SMIM21: variants seen among roughly 807,000 people sequenced by gnomAD.
The protein encoded by SMIM21 is chromosome 18 open reading frame 62.
Under a neutral mutation model 8.6 loss-of-function variants are expected in SMIM21, and 8 were observed. The observed-to-expected ratio is 0.93, with a 90% CI of 0.55 to 1.68. SMIM21 has a LOEUF of 1.68. Among genes scored for constraint, SMIM21 ranks in the 40% most tolerant of loss-of-function variants. SMIM21 has a pLI of 0.00. For synonymous variants in SMIM21, 43 were observed against 41.7 expected (o/e 1.03, Z -0.12); for missense variants, 132 against 123.0 (o/e 1.07, Z -0.35).
At chr18:75,420,480 A>G (rs2024697271) in intron 1 of SMIM21, among the ~76,000 whole-genome samples, 1 of 152,194 alleles carries the variant, frequency 6.6e-6, no homozygotes, top group Non-Finnish European at 1.5e-5. Flanking sequence ...TACTCTGTGC[A>G]TCATTTGGAG....
rs781247626 is a variant in SMIM21 at position 75,427,553 on chromosome 18, T to A, written c.11A>T (p.Tyr4Phe). 1 of 1,610,790 alleles carries A rather than the reference T, an allele frequency of 6.2e-7. No homozygotes were observed. Among genetic ancestry groups the A allele is most frequent in the Non-Finnish European group, 8.5e-7 (1 of 1,178,432 alleles). The change falls in exon 1 of 3, where the codon TAT (tyrosine) becomes TTT (phenylalanine). Residue 4 changes from tyrosine (Y) to phenylalanine (F), a missense_variant. Coordinates refer to ENST00000579022, the MANE Select transcript of SMIM21 (RefSeq NM_001037331.3). MDQ[Y>F]VSTAPPRFPI... ...GAATCGGGGAGGAGCTGTGGACACA[T>A]ACTGGTCCATGTGGGGGCTGCGGCG... is the stretch of plus-strand genomic sequence containing the variant.
chr18:75,418,165 A>G, intron 2 of SMIM21: 2 of 398,526 alleles, frequency 5.0e-6, no homozygotes, highest in Non-Finnish European at 8.8e-6. Context: ...CAAAAAGCCT[A>G]CAGTGGGAGA....
chr18:75,417,095 A>G (rs2024654477), intron 2 of SMIM21: 1 of 152,202 alleles, frequency 6.6e-6, no homozygotes, highest in South Asian at 2.1e-4. Context: ...CCTCCCCAGA[A>G]CTTAAATTCT....
At chr18:75,422,606 T>C (rs915506047) in intron 1 of SMIM21, among the ~76,000 whole-genome samples, 1 of 152,140 alleles carries the variant, frequency 6.6e-6, no homozygotes, top group Non-Finnish European at 1.5e-5. Context: ...ATTTGATAAA[T>C]CCGTAGAGTG....
intron 1 of SMIM21, among the ~76,000 whole-genome samples, chr18:75,425,024 G>A (rs899952036): frequency 1.3e-5 from 2 of 152,224 alleles, no homozygotes; most frequent in Non-Finnish European, 2.9e-5. Flanking sequence ...GGCGATGGGC[G>A]AGTGTATCTG....
rs2024573416 is a variant in SMIM21, at chr18:75,410,627, T to C, written c.*237A>G. ...GCAGATTTCGCAGGGTTGGGTGGCA[T>C]CTGCAGCTCTCCTCCGGAATATTCC... On this transcript the variant is annotated 3_prime_UTR_variant, in exon 3 of 3. Coordinates refer to ENST00000579022, the MANE Select transcript of SMIM21 (RefSeq NM_001037331.3). The C allele has an allele frequency of 1.8e-5, 21 of 1,151,188 alleles. No homozygotes were observed. Among genetic ancestry groups the C allele is most frequent in the South Asian group, 2.5e-5 (1 of 39,730 alleles). 71.3% of individuals were successfully genotyped at this position (1,151,188 alleles called of 1,614,324 possible).
At position 75,427,349 on chromosome 18, in the gene SMIM21, T is replaced by C. The variant is rs375778180; in HGVS notation, c.129+86A>G. The C allele has an allele frequency of 1.4e-4, 202 of 1,402,154 alleles. 1 individual carries two copies. In the East Asian group the frequency reaches 2.8e-3, roughly 19 times the overall value. 86.9% of individuals were successfully genotyped at this position (1,402,154 alleles called of 1,614,324 possible). On this transcript the variant is annotated intron_variant, in intron 1 of 2. Coordinates refer to ENST00000579022, the MANE Select transcript of SMIM21 (RefSeq NM_001037331.3). ...TGAGAGACAGAGCACTCACAGGAGATTGGGGCAAAAGAGTGCTTTGTAGGA... is the reference window on the plus strand; with the variant it reads ...TGAGAGACAGAGCACTCACAGGAGACTGGGGCAAAAGAGTGCTTTGTAGGA...
chr18:75,427,490 G>A lies in SMIM21; in HGVS notation c.74C>T (p.Ala25Val), dbSNP rs1599111584. Reference sequence around the variant, plus strand: ...CCCCTTGAATATCCGTCCCATTCCTGCAGAGTCTTGTTTAAATGTTCCCAG... The same window carrying A: ...CCCCTTGAATATCCGTCCCATTCCTACAGAGTCTTGTTTAAATGTTCCCAG... ...AQLGTFKQDS[A>V]GMGRIFKGNL... Residue 25 changes from alanine (A) to valine (V), a missense_variant, in exon 1 of 3, where the codon GCA becomes GTA. Coordinates refer to ENST00000579022, the MANE Select transcript of SMIM21 (RefSeq NM_001037331.3). 6.2e-7 allele frequency: 1 copy of A among 1,614,052 alleles called. No individual in the cohort carries two copies. Among genetic ancestry groups the A allele is most frequent in the Non-Finnish European group, 8.5e-7 (1 of 1,179,976 alleles).
chr18:75,422,449 G>T (rs1304439357), intron 1 of SMIM21, among the ~76,000 whole-genome samples: 2 of 152,094 alleles, frequency 1.3e-5, no homozygotes, highest in African/African-American at 4.8e-5. Flanking sequence ...CAACATAGCA[G>T]TTCTGGTCAT....
chr18:75,426,631 TAAAAAAAAAAAAAAAAAAAAAAAAA>T lies in SMIM21; in HGVS notation c.129+779_129+803del, dbSNP rs777676195. Among the ~76,000 whole-genome samples the T allele has an allele frequency of 5.2e-3, 464 of 89,276 alleles. 6 individuals are homozygous for T. The highest frequency in any genetic ancestry group is 0.02 in the African/African-American group (415 of 20,830). The allele number at this position is 89,276 out of a possible 152,430, so 58.6% of individuals were successfully genotyped here. A position where few individuals can be genotyped will look rare whatever the true frequency, so the allele number is the denominator to read the frequency against. On this transcript the variant is annotated intron_variant, in intron 1 of 2. Coordinates refer to ENST00000579022, the MANE Select transcript of SMIM21 (RefSeq NM_001037331.3). ...GCCCTAGACCATTACTTTTAAAATGTAAAAAAAAAAAAAAAAAAAAAAAAAAAAAAAAAAAAAAAATGGAAAAAGG... is the reference window on the plus strand; with the variant it reads ...GCCCTAGACCATTACTTTTAAAATGTAAAAAAAAAAAAAAATGGAAAAAGG...
intron 1 of SMIM21, among the ~76,000 whole-genome samples, chr18:75,426,629 T>A (rs1269700783): frequency 4.4e-5 from 2 of 45,918 alleles, no homozygotes; most frequent in African/African-American, 9.0e-5. Context: ...ACTTTTAAAA[T>A]GTAAAAAAAA....
At chr18:75,419,740 T>C (rs183887828) in intron 1 of SMIM21, among the ~76,000 whole-genome samples, 40 of 152,272 alleles carry the variant, frequency 2.6e-4, no homozygotes, top group African/African-American at 8.9e-4. Context: ...TAAAAACTTG[T>C]AGATATACTT....
chr18:75,419,143 G>A (rs544969490), intron 1 of SMIM21: 14 of 323,880 alleles, frequency 4.3e-5, no homozygotes, highest in Middle Eastern at 8.9e-4. Context: ...GATCTGCCGT[G>A]TAGAATTTTA....
At chr18:75,419,028 T>C in intron 1 of SMIM21, 112 bp from the exon 2 acceptor site, 1 of 605,136 alleles carries the variant, frequency 1.7e-6, no homozygotes, top group Non-Finnish European at 2.8e-6. Context: ...AATAAATAAG[T>C]TTATATATTT....
chr18:75,411,314 A>G (rs1207644588), intron 2 of SMIM21, among the ~76,000 whole-genome samples: 2 of 152,232 alleles, frequency 1.3e-5, no homozygotes, highest in Non-Finnish European at 2.9e-5. Flanking sequence ...AAAATAGTAG[A>G]CCAGTCATAA....
chr18:75,421,648 T>C (rs554931565), intron 1 of SMIM21, among the ~76,000 whole-genome samples: 1 of 152,106 alleles, frequency 6.6e-6, no homozygotes, highest in South Asian at 2.1e-4. Flanking sequence ...CCCAAGAACT[T>C]TGGGACTAGA....
At chr18:75,424,505 G>T (rs2024741082) in intron 1 of SMIM21, among the ~76,000 whole-genome samples, 1 of 152,122 alleles carries the variant, frequency 6.6e-6, no homozygotes, top group African/African-American at 2.4e-5. Flanking sequence ...TGGGGTGGAG[G>T]ATCACTCTTC....
At chr18:75,414,124 C>CACACAT (rs1432094838) in intron 2 of SMIM21, among the ~76,000 whole-genome samples, 10 of 149,356 alleles carry the variant, frequency 6.7e-5, no homozygotes, top group South Asian at 4.2e-4. Context: ...CACACACATA[C>CACACAT]ACACACACAC....
intron 1 of SMIM21, among the ~76,000 whole-genome samples, chr18:75,425,667 G>A (rs971152855): frequency 2.0e-5 from 3 of 152,200 alleles, no homozygotes; most frequent in Non-Finnish European, 2.9e-5. Context: ...AAAGACAGAC[G>A]AGGCTGCATG....
Sources: gnomAD v4.1 joint callset for allele counts (sites outside exome capture counted in the v4.1 genomes callset) on GRCh38, gnomAD v4.1.1 for gene constraint, MANE v1.5 for transcripts, NCBI Gene and HGNC (gene_info 2026-07-23, HGNC 2026-07-21) for gene names.